The following CDK14 variants were observed in gnomAD, a reference collection of about 807,000 sequenced individuals.
The protein encoded by CDK14 is cyclin-dependent kinase 14.
In CDK14, 34 loss-of-function variants were observed where a neutral mutation model predicts 60.7. The ratio of observed to expected loss-of-function variants is 0.56; its 90% confidence interval spans 0.43 to 0.75. The LOEUF is 0.75. CDK14 is among the 30% of genes least tolerant of loss of function. CDK14 has a pLI of 0.00. For synonymous variants in CDK14, 197 were observed against 203.7 expected (o/e 0.97, Z 0.28); for missense variants, 482 against 564.1 (o/e 0.85, Z 1.47).
intron 10 of CDK14, among the ~76,000 whole-genome samples, chr7:90,989,632 C>T (rs1326158274): frequency 1.3e-5 from 2 of 152,052 alleles, no homozygotes; most frequent in Non-Finnish European, 2.9e-5. Flanking sequence ...AGATGTGAGA[C>T]CCAGCAATAA....
At chr7:90,923,245 G>A (rs1009507485) in intron 8 of CDK14, among the ~76,000 whole-genome samples, 4 of 151,668 alleles carry the variant, frequency 2.6e-5, no homozygotes, top group Admixed American at 2.0e-4. Flanking sequence ...GAGTAGCTGG[G>A]ACTACAGGCG....
chr7:91,174,994 A>G (rs1049051407), intron 14 of CDK14, among the ~76,000 whole-genome samples: 1 of 145,636 alleles, frequency 6.9e-6, no homozygotes, highest in Non-Finnish European at 1.5e-5. Flanking sequence ...CAACTCCAAG[A>G]CACATAATTG....
chr7:90,724,500 T>C (rs930021187), intron 2 of CDK14, among the ~76,000 whole-genome samples: 1 of 151,626 alleles, frequency 6.6e-6, no homozygotes, highest in African/African-American at 2.4e-5. Flanking sequence ...ATTTTTTTTT[T>C]AGTATTTTAA....
At chr7:90,991,263 A>G (rs1795524745) in intron 10 of CDK14, among the ~76,000 whole-genome samples, 1 of 152,070 alleles carries the variant, frequency 6.6e-6, no homozygotes, top group South Asian at 2.1e-4. Context: ...ATACACAACA[A>G]AATCAGGGAG....
intron 8 of CDK14, among the ~76,000 whole-genome samples, chr7:90,919,623 C>T (rs1175821509): frequency 6.6e-6 from 1 of 152,282 alleles, no homozygotes; most frequent in Non-Finnish European, 1.5e-5. Context: ...ACTTGCATAT[C>T]ACATAGCCTC....
chr7:90,708,569 A>C (rs972468513), intron 2 of CDK14, among the ~76,000 whole-genome samples: 1 of 152,188 alleles, frequency 6.6e-6, no homozygotes, highest in African/African-American at 2.4e-5. Flanking sequence ...AATTATCTTC[A>C]CAGTGTCATT....
At chr7:90,946,447 C>G (rs978272593) in intron 8 of CDK14, among the ~76,000 whole-genome samples, 4 of 152,054 alleles carry the variant, frequency 2.6e-5, no homozygotes, top group Admixed American at 6.6e-5. Context: ...AAAGAAAATA[C>G]TAAAAGCATG....
At chr7:90,802,840 A>C (rs1788691947) in intron 5 of CDK14, among the ~76,000 whole-genome samples, 2 of 152,362 alleles carry the variant, frequency 1.3e-5, no homozygotes, top group African/African-American at 2.4e-5. Flanking sequence ...GAAATCTCCC[A>C]AAAGGAGATC....
At chr7:91,156,075 T>G (rs558973854) in intron 14 of CDK14, among the ~76,000 whole-genome samples, 1 of 152,346 alleles carries the variant, frequency 6.6e-6, no homozygotes, top group South Asian at 2.1e-4. Flanking sequence ...AAGGCCTAGC[T>G]TGTTGGCACT....
chr7:90,986,210 A>G (rs1795368395), intron 10 of CDK14, among the ~76,000 whole-genome samples: 1 of 152,100 alleles, frequency 6.6e-6, no homozygotes, highest in Non-Finnish European at 1.5e-5. Flanking sequence ...TATGGATGAG[A>G]CATTATTTAC....
chr7:90,704,727 G>A (rs947511139), intron 2 of CDK14, among the ~76,000 whole-genome samples: 6 of 152,030 alleles, frequency 3.9e-5, no homozygotes, highest in East Asian at 1.9e-4. Context: ...ATGCAATGTC[G>A]TGCATGACAT....
At chr7:90,644,250 C>T (rs1800411639) in intron 2 of CDK14, among the ~76,000 whole-genome samples, 1 of 152,154 alleles carries the variant, frequency 6.6e-6, no homozygotes, top group African/African-American at 2.4e-5. Context: ...TCAACCAGTC[C>T]ATGGTATTTT....
chr7:90,729,855 C>T (rs1802789449), intron 3 of CDK14, among the ~76,000 whole-genome samples: 1 of 151,776 alleles, frequency 6.6e-6, no homozygotes, highest in South Asian at 2.1e-4. Flanking sequence ...TGTTTGCTGC[C>T]CTTTTAAAAA....
At chr7:90,732,508 C>T (rs994628258) in intron 3 of CDK14, among the ~76,000 whole-genome samples, 2 of 152,170 alleles carry the variant, frequency 1.3e-5, no homozygotes, top group African/African-American at 2.4e-5. Flanking sequence ...ATTACTGCCT[C>T]AATTTCAGAA....
intron 2 of CDK14, among the ~76,000 whole-genome samples, chr7:90,677,315 G>T (rs1222326362): frequency 6.6e-6 from 1 of 152,082 alleles, no homozygotes; most frequent in Non-Finnish European, 1.5e-5. Flanking sequence ...AAATTTATTG[G>T]TTCCTGTAAA....
intron 2 of CDK14, among the ~76,000 whole-genome samples, chr7:90,653,733 T>TA (rs1169281256): frequency 6.6e-6 from 1 of 152,182 alleles, no homozygotes; most frequent in Non-Finnish European, 1.5e-5. Context: ...GTTTGTTACA[T>TA]ATGTATACAT....
chr7:90,985,926 A>T (rs1795361744), intron 10 of CDK14, among the ~76,000 whole-genome samples: 1 of 152,130 alleles, frequency 6.6e-6, no homozygotes, highest in Non-Finnish European at 1.5e-5. Context: ...GATTATAAAA[A>T]TAGTGTATTT....
chr7:90,886,152 C>T (rs941822290), intron 6 of CDK14, among the ~76,000 whole-genome samples: 8 of 152,116 alleles, frequency 5.3e-5, no homozygotes, highest in African/African-American at 1.9e-4. Flanking sequence ...TTAAAAACCA[C>T]ATGTTTTCTC....
chr7:90,794,504 T>A (rs1805972350), intron 5 of CDK14, among the ~76,000 whole-genome samples: 1 of 152,180 alleles, frequency 6.6e-6, no homozygotes, highest in South Asian at 2.1e-4. Flanking sequence ...ATGCATTCTC[T>A]TTCTCAGGGA....
Sources: allele counts gnomAD v4.1 joint callset (sites outside exome capture counted in the v4.1 genomes callset), GRCh38; gene constraint gnomAD v4.1.1; transcripts MANE v1.5; gene names NCBI Gene and HGNC (gene_info 2026-07-23, HGNC 2026-07-21).